Variants in MYH11 observed in about 807,000 individuals in gnomAD.
MYH11 encodes myosin heavy chain 11, also known as myosin-11.
Under a neutral mutation model 246.6 loss-of-function variants are expected in MYH11, and 80 were observed. That is an observed-to-expected ratio of 0.32 (90% CI 0.27 to 0.39). The LOEUF is 0.39. MYH11 is among the 10% of genes least tolerant of loss of function. The pLI is 1.00. For missense variants in MYH11, 2,158 were observed against 2,546.8 expected (o/e 0.85, Z 3.29); for synonymous variants, 1,071 against 1,015.5 (o/e 1.05, Z -1.04).
At chr16:15,767,937 ATTT>A (rs761220786) in intron 9 of MYH11, among the ~76,000 whole-genome samples, 2 of 134,962 alleles carry the variant, frequency 1.5e-5, no homozygotes, top group Non-Finnish European at 3.3e-5. Context: ...AAAAAAAAAA[ATTT>A]TTTTTTTTTA....
Position 15,784,693 on chromosome 16 carries a change from C to T in MYH11, c.633+1937G>A, listed in dbSNP as rs2151305406. ...CACACCAGGAAAACACTCTCAGTTA[C>T]TCACGTAGGCAAAAGATGGGCCTTG... is the stretch of plus-strand genomic sequence containing the variant. On this transcript the variant is annotated intron_variant, in intron 5 of 40. Transcript: ENST00000300036. The T allele has an allele frequency of 6.2e-7, 1 of 1,613,898 alleles. No homozygotes were observed. The highest frequency in any genetic ancestry group is 8.5e-7 in the Non-Finnish European group (1 of 1,179,846).
intron 37 of MYH11, 62 bp from the exon 38 acceptor site, chr16:15,717,410 C>T: frequency 6.4e-7 from 1 of 1,559,436 alleles, no homozygotes; most frequent in South Asian, 1.1e-5. Flanking sequence ...CGCACTGAGA[C>T]CATGCCTCTT....
chr16:15,715,351 T>C (rs2040068485), intron 38 of MYH11, 79 bp from the exon 39 acceptor site: 2 of 1,352,942 alleles, frequency 1.5e-6, no homozygotes, highest in Non-Finnish European at 1.1e-6. Flanking sequence ...GGAGGTGGCA[T>C]CTTGAGTGCT....
At chr16:15,792,886 T>C (rs376631726) in intron 4 of MYH11, among the ~76,000 whole-genome samples, 1 of 151,818 alleles carries the variant, frequency 6.6e-6, no homozygotes, top group African/African-American at 2.4e-5. Context: ...TACAGGCACA[T>C]GCCATCACGC....
At chr16:15,726,476 T>C in intron 28 of MYH11, 1 of 352,492 alleles carries the variant, frequency 2.8e-6, no homozygotes. Flanking sequence ...GTTCAAGCTA[T>C]TCTCCTGCCT....
intron 38 of MYH11, 90 bp downstream of exon 38, chr16:15,717,050 T>G: frequency 7.3e-7 from 1 of 1,376,972 alleles, no homozygotes; most frequent in Non-Finnish European, 1.0e-6. Flanking sequence ...AAGCCAGAAC[T>G]GATGCTGGAA....
intron 40 of MYH11, chr16:15,714,476 AATG>A: frequency 4.2e-6 from 1 of 240,438 alleles, no homozygotes; most frequent in Non-Finnish European, 8.2e-6. Context: ...ACCCGAGAAT[AATG>A]CAGCCCAGAT....
intron 3 of MYH11, among the ~76,000 whole-genome samples, chr16:15,819,995 C>CTACAAAACAAAG (rs2043364521): frequency 1.3e-5 from 2 of 152,112 alleles, no homozygotes; most frequent in Non-Finnish European, 2.9e-5. Flanking sequence ...AGTGGCAGTT[C>CTACAAAACAAAG]TGGAAAACAA....
At chr16:15,709,384 T>A (rs551893666) in intron 40 of MYH11, among the ~76,000 whole-genome samples, 36 of 149,666 alleles carry the variant, frequency 2.4e-4, no homozygotes, top group Admixed American at 1.3e-3. Context: ...GATCTATCTC[T>A]GCTCACTGCA....
In MYH11 at chr16:15,848,591, T is replaced by G. The variant is rs368661173; in HGVS notation, c.-18+8350A>C. Among the ~76,000 whole-genome samples, 115 of 152,186 alleles carry G rather than the reference T, an allele frequency of 7.6e-4. 1 individual carries two copies. Among genetic ancestry groups the G allele is most frequent in the African/African-American group, 2.5e-3 (104 of 41,538 alleles). ...CATTCTGTGTCGTGAGGGGAGCTCT[T>G]CCGTGCATTGTGGGATGTTCCGCAG... On this transcript the variant is annotated intron_variant, in intron 1 of 40. Transcript: ENST00000300036.
At chr16:15,809,094 C>A (rs1357419050) in intron 3 of MYH11, among the ~76,000 whole-genome samples, 2 of 152,114 alleles carry the variant, frequency 1.3e-5, no homozygotes, top group African/African-American at 4.8e-5. Flanking sequence ...TCCAAGGAAG[C>A]CTCCCCTGTC....
At chr16:15,762,393 T>C (rs2041888257) in intron 10 of MYH11, among the ~76,000 whole-genome samples, 2 of 152,306 alleles carry the variant, frequency 1.3e-5, no homozygotes, top group South Asian at 4.1e-4. Flanking sequence ...AATTATGGTT[T>C]AGGAGTCCTG....
chr16:15,834,212 C>T (rs764586257), intron 2 of MYH11, among the ~76,000 whole-genome samples: 3 of 152,050 alleles, frequency 2.0e-5, no homozygotes, highest in Non-Finnish European at 4.4e-5. Context: ...TAGCTCCCTA[C>T]AGACGGGCCT....
chr16:15,725,644 A>G, intron 28 of MYH11: 1 of 400,290 alleles, frequency 2.5e-6, no homozygotes, highest in East Asian at 3.6e-5. Flanking sequence ...GAGGGCGGCA[A>G]AAGCCCTGCT....
At chr16:15,818,430 T>A (rs559396494) in intron 3 of MYH11, among the ~76,000 whole-genome samples, 44 of 152,240 alleles carry the variant, frequency 2.9e-4, no homozygotes, top group Admixed American at 5.9e-4. Context: ...TCTTTTTATT[T>A]TTTATTTATT....
rs1288482705 is a variant in MYH11 at position 15,831,475 on chromosome 16, G to GTGTGTGTGTGTC, written c.345+6432_345+6433insGACACACACACA. ...TTTCTTATGTTTGGGGTGTGTGTGTGTGTGTGTGTGTGTGTGTGTGTGTAC... is the reference window on the plus strand; with the variant it reads ...TTTCTTATGTTTGGGGTGTGTGTGTGTGTGTGTGTGTCTGTGTGTGTGTGTGTGTGTGTGTAC... On this transcript the variant is annotated intron_variant, in intron 2 of 40. Transcript: ENST00000300036. 3.5e-4 allele frequency among the ~76,000 whole-genome samples: 52 copies of GTGTGTGTGTGTC among 150,170 alleles called. No homozygotes were observed. The South Asian group carries it at 9.0e-3, about 26-fold the overall frequency.
chr16:15,751,963 T>C (rs547082975), intron 15 of MYH11, among the ~76,000 whole-genome samples: 3 of 152,118 alleles, frequency 2.0e-5, no homozygotes, highest in East Asian at 1.9e-4. Context: ...AGTTAGTTTT[T>C]GTATTTTTAG....
chr16:15,844,292 G>C (rs1176030788), intron 1 of MYH11, among the ~76,000 whole-genome samples: 1 of 152,114 alleles, frequency 6.6e-6, no homozygotes, highest in African/African-American at 2.4e-5. Flanking sequence ...CCACCTCCTA[G>C]GTTCAAGTGA....
intron 6 of MYH11, among the ~76,000 whole-genome samples, chr16:15,781,051 T>C (rs1596826225): frequency 6.6e-6 from 1 of 152,006 alleles, no homozygotes; most frequent in South Asian, 2.1e-4. Flanking sequence ...GGCCCGAGCA[T>C]TGATATGCTG....
Sources: gnomAD v4.1 joint callset for allele counts (sites outside exome capture counted in the v4.1 genomes callset) on GRCh38, gnomAD v4.1.1 for gene constraint, MANE v1.5 for transcripts, NCBI Gene and HGNC (gene_info 2026-07-23, HGNC 2026-07-21) for gene names.